Variants in TMTC4 observed in about 807,000 individuals in gnomAD.
The protein encoded by TMTC4 is protein O-mannosyl-transferase TMTC4.
TMTC4 carries 65 observed loss-of-function variants against 86.0 expected under a neutral mutation model. The observed-to-expected ratio is 0.76, with a 90% CI of 0.62 to 0.93. The LOEUF (loss-of-function observed/expected upper bound fraction) is 0.93, where lower values mean the gene tolerates loss of function less well. Ranked by LOEUF, TMTC4 falls within the 40% of genes least tolerant of loss-of-function variation. TMTC4 has a pLI of 0.00. For synonymous variants in TMTC4, 379 were observed against 382.5 expected, an observed-to-expected ratio of 0.99 and a Z score of 0.11; for missense variants, 866 against 948.1, an observed-to-expected ratio of 0.91 and a Z score of 1.14.
chr13:100,611,412 T>C (rs2153022732), intron 17 of TMTC4, among the ~76,000 whole-genome samples: 1 of 152,032 alleles, frequency 6.6e-6, no homozygotes, highest in African/African-American at 2.4e-5. Context: ...GGTGAAACCC[T>C]GTCTCTTCTA....
intron 6 of TMTC4, among the ~76,000 whole-genome samples, chr13:100,644,690 T>TA (rs1883488470): frequency 6.6e-6 from 1 of 152,204 alleles, no homozygotes; most frequent in Admixed American, 6.5e-5. Flanking sequence ...ATGGAATAGC[T>TA]ATTATACAAA....
chr13:100,649,652 T>C (rs572682607), intron 6 of TMTC4, among the ~76,000 whole-genome samples: 1 of 152,230 alleles, frequency 6.6e-6, no homozygotes, highest in Non-Finnish European at 1.5e-5. Flanking sequence ...AAGTTAATCA[T>C]TTGCTCAGTG....
chr13:100,614,640 C>T (rs899502001), intron 15 of TMTC4, among the ~76,000 whole-genome samples: 10 of 151,978 alleles, frequency 6.6e-5, no homozygotes, highest in Non-Finnish European at 1.5e-4. Context: ...TATTGTTATC[C>T]CCATTTTACA....
In TMTC4 at chr13:100,604,811, CAT is replaced by C. The variant is rs1410195265; in HGVS notation, c.*181_*182del. On this transcript the variant is annotated 3_prime_UTR_variant, in exon 19 of 19. Transcript: ENST00000342624. ...AAAAAATACAATTTCAATGAAAAAT[CAT>C]ATCACGCATTCAAGAGTATATTGCT... 8 of 498,982 alleles carry C rather than the reference CAT, an allele frequency of 1.6e-5. No homozygotes were observed. Among genetic ancestry groups the C allele is most frequent in the Non-Finnish European group, 2.6e-5 (8 of 312,500 alleles). 30.9% of individuals were successfully genotyped at this position (498,982 alleles called of 1,614,324 possible). A position where few individuals can be genotyped will look rare whatever the true frequency, so the allele number is the denominator to read the frequency against.
intron 6 of TMTC4, among the ~76,000 whole-genome samples, chr13:100,650,612 G>A (rs1007715367): frequency 2.0e-5 from 3 of 152,344 alleles, no homozygotes; most frequent in South Asian, 2.1e-4. Context: ...TCAGATTCGC[G>A]TTCCAAAAGC....
At chr13:100,639,106 CAG>C (rs1276206988) in intron 7 of TMTC4, among the ~76,000 whole-genome samples, 1 of 152,184 alleles carries the variant, frequency 6.6e-6, no homozygotes, top group Non-Finnish European at 1.5e-5. Context: ...TGCACATACT[CAG>C]TGGATATTGT....
In TMTC4 at chr13:100,661,297, G is replaced by A. The variant is rs1457055480; in HGVS notation, c.552+1667C>T. Reference sequence around the variant, plus strand: ...TGTGTGTGAGAGAGAATGTGTGCGTGTGAGTGTGTACGTGTGTGTAAGCAC... The same window carrying A: ...TGTGTGTGAGAGAGAATGTGTGCGTATGAGTGTGTACGTGTGTGTAAGCAC... On this transcript the variant is annotated intron_variant, in intron 5 of 18. Transcript: ENST00000342624. 2.0e-4 allele frequency among the ~76,000 whole-genome samples: 30 copies of A among 152,078 alleles called. 1 individual carries two copies. The highest frequency in any genetic ancestry group is 1.2e-3 in the East Asian group (6 of 5,184).
chr13:100,605,481 G>T lies in TMTC4; in HGVS notation c.2135-339C>A, dbSNP rs541276143. On this transcript the variant is annotated intron_variant, in intron 18 of 18. Coordinates refer to ENST00000342624, the MANE Select transcript of TMTC4 (RefSeq NM_032813.5). The surrounding 1 kb of genome is among the most constrained non-coding windows in gnomAD (Gnocchi z 4.3). ...GGAAGCAAGGCTGGGTATGGGAGGT[G>T]GGGGTGATGGATGCTAGGCACTGCC... Among the ~76,000 whole-genome samples the T allele has an allele frequency of 6.6e-6, 1 of 152,170 alleles. No individual in the cohort carries two copies. The highest frequency in any genetic ancestry group is 2.4e-5 in the African/African-American group (1 of 41,442).
intron 12 of TMTC4, among the ~76,000 whole-genome samples, chr13:100,632,051 ACACTCT>A (rs1463698792): frequency 3.9e-3 from 111 of 28,576 alleles, no homozygotes; most frequent in East Asian, 0.015. Flanking sequence ...ACACACACAC[ACACTCT>A]CTCTCTCTCT....
intron 15 of TMTC4, chr13:100,624,886 C>T (rs1362202891): frequency 6.6e-6 from 1 of 152,288 alleles, no homozygotes; most frequent in African/African-American, 2.4e-5. Flanking sequence ...GACAACCATT[C>T]GTGTTTAAAG....
intron 3 of TMTC4, chr13:100,668,268 T>C (rs1462335133): frequency 4.4e-6 from 1 of 228,670 alleles, no homozygotes; most frequent in African/African-American, 2.3e-5. Flanking sequence ...TCTGGAATAC[T>C]AAGTCTGCAA....
chr13:100,605,156 A>G lies in TMTC4; in HGVS notation c.2135-14T>C, dbSNP rs1259555990. ...GATAAAGCACAGCTGAAATAGCAGG[A>G]GATAAATTTCACTGGGAATGCTTCT... On this transcript the variant is annotated splice_polypyrimidine_tract_variant and intron_variant, in intron 18 of 18. Coordinates refer to ENST00000342624, the MANE Select transcript of TMTC4 (RefSeq NM_032813.5). This position sits in a 1 kb window ranked among gnomAD's most constrained non-coding sequence, Gnocchi z 4.3. 1 of 1,606,890 alleles carries G rather than the reference A, an allele frequency of 6.2e-7. No homozygotes were observed. The highest frequency in any genetic ancestry group is 1.1e-5 in the South Asian group (1 of 89,730).
rs1404590647 is a variant in TMTC4 at position 100,604,954 on chromosome 13, G to GCA, written c.*38_*39dup. 43 of 1,589,568 alleles carry GCA rather than the reference G, an allele frequency of 2.7e-5. No individual in the cohort carries two copies. Among genetic ancestry groups the GCA allele is most frequent in the East Asian group, 1.6e-4 (7 of 44,272 alleles). ...ACATACTATTAATGATATGCCTCATGCACACACACACTCAAACTCAAAACA... is the reference window on the plus strand; with the variant it reads ...ACATACTATTAATGATATGCCTCATGCACACACACACACTCAAACTCAAAACA... On this transcript the variant is annotated 3_prime_UTR_variant, in exon 19 of 19. Coordinates refer to ENST00000342624, the MANE Select transcript of TMTC4 (RefSeq NM_032813.5).
Position 100,664,201 on chromosome 13 carries a change from CCTT to C in TMTC4, c.335+17_335+19del, listed in dbSNP as rs1566642034. The C allele has an allele frequency of 1.3e-6, 2 of 1,589,830 alleles. No individual in the cohort carries two copies. The highest frequency in any genetic ancestry group is 3.5e-5 in the Admixed American group (2 of 57,462). On this transcript the variant is annotated intron_variant, in intron 4 of 18. Coordinates refer to ENST00000342624, the MANE Select transcript of TMTC4 (RefSeq NM_032813.5). ...CAAGCTGGGAGGGACCTTCCCAGGC[CCTT>C]CAATGTCACAGCTTACCTGAAAGTC...
At chr13:100,674,570 G>A (rs1324767839) in intron 1 of TMTC4, 174 bp downstream of exon 1, 3 of 982,116 alleles carry the variant, frequency 3.1e-6, no homozygotes, top group Non-Finnish European at 3.6e-6. Context: ...CCGTGACCCC[G>A]GCCCGGGCCG....
intron 15 of TMTC4, chr13:100,614,961 C>A (rs1348289388): frequency 1.0e-6 from 1 of 984,864 alleles, no homozygotes; most frequent in African/African-American, 1.8e-5. Context: ...CCTCTTCCTG[C>A]CTGTGTCTAA....
intron 1 of TMTC4, chr13:100,674,446 G>A (rs1273821817): frequency 7.8e-6 from 7 of 898,224 alleles, no homozygotes; most frequent in Non-Finnish European, 9.3e-6. Flanking sequence ...GGCTGGGGGC[G>A]GCGACCTCTG....
At chr13:100,660,001 G>T (rs919403914) in intron 5 of TMTC4, among the ~76,000 whole-genome samples, 2 of 150,580 alleles carry the variant, frequency 1.3e-5, no homozygotes, top group African/African-American at 4.9e-5. Flanking sequence ...GAGTGGTAAA[G>T]ACCTAAAACA....
At chr13:100,663,716 G>A (rs931578418) in intron 4 of TMTC4, among the ~76,000 whole-genome samples, 4 of 152,124 alleles carry the variant, frequency 2.6e-5, no homozygotes, top group African/African-American at 9.7e-5. Context: ...ATGCTCCTGT[G>A]GGACGTCTAC....
Sources: gnomAD v4.1 joint callset for allele counts (sites outside exome capture counted in the v4.1 genomes callset) on GRCh38, gnomAD v4.1.1 for gene constraint, Gnocchi (gnomAD v3.1) non-coding constraint, MANE v1.5 for transcripts, NCBI Gene and HGNC (gene_info 2026-07-23, HGNC 2026-07-21) for gene names.